The following BRINP1 variants were observed in gnomAD, a reference collection of about 807,000 sequenced individuals.
BRINP1 encodes the protein BMP/retinoic acid-inducible neural-specific protein 1.
BRINP1 carries 17 observed loss-of-function variants against 72.9 expected under a neutral mutation model. The observed-to-expected ratio is 0.23, with a 90% confidence interval of 0.16 to 0.35. The LOEUF is 0.35. BRINP1 is among the 10% of genes least tolerant of loss of function. The pLI, the probability that BRINP1 is intolerant of heterozygous loss-of-function variation, is 1.00. For missense variants in BRINP1, 850 were observed against 1,001.6 expected (o/e 0.85, Z 2.04); for synonymous variants, 418 against 378.5 (o/e 1.10, Z -1.21).
At chr9:119,224,954 T>C (rs1369100792) in intron 5 of BRINP1, among the ~76,000 whole-genome samples, 2 of 152,046 alleles carry the variant, frequency 1.3e-5, no homozygotes, top group Non-Finnish European at 2.9e-5. Flanking sequence ...TAATGAAATC[T>C]GCCACAAAAT....
intron 3 of BRINP1, among the ~76,000 whole-genome samples, chr9:119,243,467 AG>A (rs1314944008): frequency 1.3e-5 from 2 of 152,022 alleles, no homozygotes; most frequent in African/African-American, 4.8e-5. Flanking sequence ...TAGGCATTTG[AG>A]TTGATTCTAT....
chr9:119,221,365 C>G (rs960055345), intron 5 of BRINP1, among the ~76,000 whole-genome samples: 6 of 152,098 alleles, frequency 3.9e-5, no homozygotes. Context: ...CTTTATGGCT[C>G]CAACAGCCAT....
intron 1 of BRINP1, among the ~76,000 whole-genome samples, chr9:119,356,088 A>G (rs1831562446): frequency 6.6e-6 from 1 of 152,098 alleles, no homozygotes; most frequent in Non-Finnish European, 1.5e-5. Flanking sequence ...TTCTCCCCCT[A>G]CTTCCTATTG....
intron 7 of BRINP1, among the ~76,000 whole-genome samples, chr9:119,181,794 GA>G (rs959232743): frequency 5.3e-5 from 8 of 149,880 alleles, no homozygotes; most frequent in East Asian, 1.9e-4. Context: ...AATCCAAAAA[GA>G]AAAAAAAAGG....
chr9:119,227,625 G>C lies in BRINP1; in HGVS notation c.685+11030C>G, dbSNP rs535719811. On this transcript the variant is annotated intron_variant, in intron 5 of 7. Coordinates refer to ENST00000265922, the MANE Select transcript of BRINP1 (RefSeq NM_014618.3). ...CCAGGTCCCTGCTAACTGGACAAGA[G>C]AGGCTGTAGGCATGAGCCATTGCTT... Among the ~76,000 whole-genome samples the C allele has an allele frequency of 8.9e-4, 135 of 152,172 alleles. 4 individuals carry two copies. In the South Asian group the frequency reaches 0.028, roughly 31 times the overall value.
intron 7 of BRINP1, among the ~76,000 whole-genome samples, chr9:119,208,143 G>A (rs1829878552): frequency 6.6e-6 from 1 of 152,150 alleles, no homozygotes; most frequent in African/African-American, 2.4e-5. Context: ...CCAGGACATG[G>A]CTGGAACTAG....
At chr9:119,204,386 T>G (rs1829831867) in intron 7 of BRINP1, among the ~76,000 whole-genome samples, 1 of 152,188 alleles carries the variant, frequency 6.6e-6, no homozygotes, top group African/African-American at 2.4e-5. Flanking sequence ...TAGCAAGCAT[T>G]GAAGCCAAGT....
intron 2 of BRINP1, among the ~76,000 whole-genome samples, chr9:119,272,671 G>A (rs1246176177): frequency 1.3e-5 from 2 of 152,110 alleles, no homozygotes; most frequent in South Asian, 2.1e-4. Flanking sequence ...GCTACTTCCA[G>A]GCATTTTATT....
chr9:119,274,984 A>G (rs927060347), intron 2 of BRINP1, among the ~76,000 whole-genome samples: 13 of 152,160 alleles, frequency 8.5e-5, no homozygotes, highest in Admixed American at 7.9e-4. Flanking sequence ...AACCCTGTAG[A>G]CTAAATCACA....
intron 2 of BRINP1, among the ~76,000 whole-genome samples, chr9:119,298,360 A>T (rs1367887463): frequency 1.3e-5 from 2 of 152,204 alleles, no homozygotes; most frequent in African/African-American, 4.8e-5. Flanking sequence ...GCAGGTAAAG[A>T]TAAATTCCTC....
intron 2 of BRINP1, among the ~76,000 whole-genome samples, chr9:119,253,095 C>A (rs1021181446): frequency 2.0e-5 from 3 of 152,156 alleles, no homozygotes; most frequent in Non-Finnish European, 4.4e-5. Context: ...GAACTAACTA[C>A]CTGCTCAGCA....
chr9:119,276,105 C>A lies in BRINP1; in HGVS notation c.219-26955G>T, dbSNP rs565060419. On this transcript the variant is annotated intron_variant, in intron 2 of 7. Coordinates refer to ENST00000265922, the MANE Select transcript of BRINP1 (RefSeq NM_014618.3). ...TCTTTCATGCTTTTATCCCTCATGG[C>A]AGCCAGACAAAACATCTTTACTTGA... Among the ~76,000 whole-genome samples, 5 of 152,246 alleles carry A rather than the reference C, an allele frequency of 3.3e-5. No homozygotes were observed. In the South Asian group the frequency reaches 1.0e-3, roughly 32 times the overall value.
At chr9:119,317,501 C>T (rs1363335797) in intron 1 of BRINP1, among the ~76,000 whole-genome samples, 1 of 152,158 alleles carries the variant, frequency 6.6e-6, no homozygotes, top group Non-Finnish European at 1.5e-5. Context: ...ATGGAGTCTA[C>T]TCTTGATGAA....
chr9:119,237,385 G>A (rs1310183265), intron 5 of BRINP1, among the ~76,000 whole-genome samples: 2 of 89,486 alleles, frequency 2.2e-5, no homozygotes, highest in Non-Finnish European at 4.3e-5. Flanking sequence ...TTTTGAGGTG[G>A]AGTCTTGCTC....
intron 7 of BRINP1, among the ~76,000 whole-genome samples, chr9:119,202,609 A>C (rs1829816911): frequency 6.6e-6 from 1 of 152,204 alleles, no homozygotes; most frequent in African/African-American, 2.4e-5. Context: ...AAGACAAGCC[A>C]CAGGAATCTT....
intron 1 of BRINP1, among the ~76,000 whole-genome samples, chr9:119,354,518 G>A (rs748348038): frequency 6.6e-6 from 1 of 152,062 alleles, no homozygotes; most frequent in Non-Finnish European, 1.5e-5. Flanking sequence ...CGAATCTCAG[G>A]CTTCATTTTA....
intron 7 of BRINP1, among the ~76,000 whole-genome samples, chr9:119,204,200 C>G (rs1829829998): frequency 6.6e-6 from 1 of 152,138 alleles, no homozygotes. Context: ...GTCAAGCCCC[C>G]AGATGACAAG....
intron 7 of BRINP1, among the ~76,000 whole-genome samples, chr9:119,176,182 C>G (rs990727533): frequency 6.6e-6 from 1 of 151,672 alleles, no homozygotes; most frequent in African/African-American, 2.4e-5. Context: ...CAGAGTCAAA[C>G]AAACAATCAG....
chr9:119,330,052 C>A (rs1394312880), intron 1 of BRINP1, among the ~76,000 whole-genome samples: 1 of 152,162 alleles, frequency 6.6e-6, no homozygotes, highest in Non-Finnish European at 1.5e-5. Context: ...CAATTTATTT[C>A]CCACACAGAA....
Sources: gnomAD v4.1 joint callset for allele counts (sites outside exome capture counted in the v4.1 genomes callset) on GRCh38, gnomAD v4.1.1 for gene constraint, MANE v1.5 for transcripts, NCBI Gene and HGNC (gene_info 2026-07-23, HGNC 2026-07-21) for gene names.